The following PPFIBP1 variants were observed in gnomAD, a reference collection of about 807,000 sequenced individuals.
PPFIBP1 encodes PPFIB scaffold protein 1.
Under a neutral mutation model 137.8 loss-of-function variants are expected in PPFIBP1, and 112 were observed. The ratio of observed to expected loss-of-function variants is 0.81; its 90% CI spans 0.70 to 0.95. PPFIBP1 has a LOEUF of 0.95. Ranked by LOEUF, PPFIBP1 falls within the 40% of genes least tolerant of loss-of-function variation. The pLI, the probability that PPFIBP1 is intolerant of heterozygous loss-of-function variation, is 0.00. For synonymous variants in PPFIBP1, 378 were observed against 417.3 expected (o/e 0.91, Z 1.15); for missense variants, 1,083 against 1,196.6 (o/e 0.91, Z 1.40).
chr12:27,650,590 G>A (rs1250030015), intron 7 of PPFIBP1, among the ~76,000 whole-genome samples: 2 of 152,152 alleles, frequency 1.3e-5, no homozygotes. Context: ...CAAAATCACA[G>A]ACAGAGCTTT....
chr12:27,586,042 G>A (rs568245100), intron 2 of PPFIBP1, among the ~76,000 whole-genome samples: 1 of 152,326 alleles, frequency 6.6e-6, no homozygotes, highest in Non-Finnish European at 1.5e-5. Context: ...GAGGAATTGT[G>A]TGTCAGCAAC....
intron 1 of PPFIBP1, among the ~76,000 whole-genome samples, chr12:27,541,641 C>G (rs1311150858): frequency 6.6e-6 from 1 of 152,216 alleles, no homozygotes; most frequent in Non-Finnish European, 1.5e-5. Context: ...TTGCAGCTCA[C>G]CAGCTGCACT....
At chr12:27,689,326 G>T in intron 27 of PPFIBP1, 123 bp downstream of exon 27, 1 of 802,956 alleles carries the variant, frequency 1.2e-6, no homozygotes, top group Non-Finnish European at 1.9e-6. Flanking sequence ...ACCAGCAGAT[G>T]CAGGAATCCT....
In PPFIBP1 at chr12:27,679,580, A is replaced by G. The variant is rs910946911; in HGVS notation, c.1707A>G (p.Ile569Met). 2 of 1,613,936 alleles carry G rather than the reference A, an allele frequency of 1.2e-6. No individual in the cohort carries two copies. Among genetic ancestry groups the G allele is most frequent in the Admixed American group, 1.7e-5 (1 of 60,020 alleles). ...KDSQRNSPFQ[I>M]PPPSPDSKKK... ...CACAGAGGAACAGTCCCTTCCAGAT[A>G]CCGCCTCCATCTCCAGATTCCAAAA... Residue 569 changes from isoleucine (I) to methionine (M), a missense_variant, in exon 20 of 30, where the codon ATA becomes ATG. Ile to Met is a conservative substitution (Grantham distance 10). Transcript: ENST00000228425.
Position 27,676,515 on chromosome 12 carries a change from G to A in PPFIBP1, c.1498G>A (p.Gly500Ser), listed in dbSNP as rs756142214. 16 of 1,609,754 alleles carry A rather than the reference G, an allele frequency of 9.9e-6. No individual in the cohort carries two copies. Among genetic ancestry groups the A allele is most frequent in the African/African-American group, 1.3e-5 (1 of 74,808 alleles). Residue 500 changes from glycine (G) to serine (S), a missense_variant, in exon 18 of 30, where the codon GGC becomes AGC. Coordinates refer to ENST00000228425, the MANE Select transcript of PPFIBP1 (RefSeq NM_003622.4). ...CACCTCCATGGATGACAACCCCTTC[G>A]GCACTCGAAAAGTCAGATCTTCCTT... ...QDTSMDDNPF[G>S]TRKVRSSFGR... is the part of the protein sequence containing the mutation.
chr12:27,658,732 A>G (rs2059365676), intron 9 of PPFIBP1, 84 bp from the exon 10 acceptor site: 1 of 1,409,386 alleles, frequency 7.1e-7, no homozygotes, highest in Non-Finnish European at 9.9e-7. Flanking sequence ...TTAGGTAAAA[A>G]GAGACTAAAT....
intron 2 of PPFIBP1, among the ~76,000 whole-genome samples, chr12:27,603,914 G>A (rs935232547): frequency 3.3e-5 from 5 of 152,154 alleles, no homozygotes; most frequent in African/African-American, 1.2e-4. Context: ...ATGTTTGTGG[G>A]GAAGGAGGAG....
At chr12:27,639,908 CG>C (rs1301309801) in intron 4 of PPFIBP1, among the ~76,000 whole-genome samples, 1 of 152,176 alleles carries the variant, frequency 6.6e-6, no homozygotes, top group African/African-American at 2.4e-5. Flanking sequence ...AAGCAGTCCC[CG>C]TCCTACCACC....
Position 27,681,700 on chromosome 12 carries a change from ACT to A in PPFIBP1, c.2046+5_2046+6del, listed in dbSNP as rs1373043627. Reference sequence around the variant, plus strand: ...TTCTCAACAAGATCTAGAGAAGGTGACTGCTTCTCTGTTTTGTTCACACAATG... The same window carrying A: ...TTCTCAACAAGATCTAGAGAAGGTGAGCTTCTCTGTTTTGTTCACACAATG... On this transcript the variant is annotated splice_donor_5th_base_variant and intron_variant, in intron 22 of 29. Transcript: ENST00000228425. The A allele has an allele frequency of 6.2e-7, 1 of 1,613,704 alleles. No homozygotes were observed. The highest frequency in any genetic ancestry group is 1.3e-5 in the African/African-American group (1 of 74,934).
rs548711203 is a variant in PPFIBP1 at position 27,583,113 on chromosome 12, A to G, written c.-36+4874A>G. Among the ~76,000 whole-genome samples the G allele has an allele frequency of 2.6e-5, 4 of 152,238 alleles. No individual in the cohort carries two copies. The South Asian group carries it at 8.3e-4, about 32-fold the overall frequency. ...CTGGGCATTTTGTACTCTATTTTGG[A>G]TGTAACTTTTCTTGCTCTTGATTTC... On this transcript the variant is annotated intron_variant, in intron 2 of 29. Transcript: ENST00000228425.
intron 2 of PPFIBP1, among the ~76,000 whole-genome samples, chr12:27,615,401 G>A (rs1016867171): frequency 1.3e-5 from 2 of 152,206 alleles, no homozygotes; most frequent in Admixed American, 1.3e-4. Flanking sequence ...AGAGGGGTGG[G>A]TGGAATTCAA....
chr12:27,664,721 TA>T (rs2140031663), intron 12 of PPFIBP1, among the ~76,000 whole-genome samples: 1 of 152,010 alleles, frequency 6.6e-6, no homozygotes, highest in South Asian at 2.1e-4. Flanking sequence ...GCAGAGAGCC[TA>T]GGGGGAAAAG....
intron 2 of PPFIBP1, among the ~76,000 whole-genome samples, chr12:27,610,892 T>C (rs1330964673): frequency 1.3e-5 from 2 of 152,268 alleles, no homozygotes; most frequent in East Asian, 1.9e-4. Context: ...TTTTCTTTTT[T>C]TTTTTGTATC....
At chr12:27,587,967 A>C (rs971286681) in intron 2 of PPFIBP1, among the ~76,000 whole-genome samples, 1 of 151,854 alleles carries the variant, frequency 6.6e-6, no homozygotes, top group African/African-American at 2.4e-5. Flanking sequence ...TCTTTTATGA[A>C]CTCTCTTGTC....
chr12:27,662,122 G>T (rs1311453230), intron 11 of PPFIBP1, among the ~76,000 whole-genome samples: 1 of 152,180 alleles, frequency 6.6e-6, no homozygotes, highest in Non-Finnish European at 1.5e-5. Flanking sequence ...GGATTCAGAA[G>T]ACTTCAAAGA....
intron 2 of PPFIBP1, among the ~76,000 whole-genome samples, chr12:27,587,845 C>G (rs1285934482): frequency 6.6e-6 from 1 of 152,058 alleles, no homozygotes; most frequent in African/African-American, 2.4e-5. Context: ...AGAACCTAGT[C>G]CACATTCAAA....
In PPFIBP1 at chr12:27,692,981, TTTG is replaced by T; in HGVS notation, c.*105_*107del. 2 of 1,505,780 alleles carry T rather than the reference TTTG, an allele frequency of 1.3e-6. No individual in the cohort carries two copies. The highest frequency in any genetic ancestry group is 1.4e-5 in the African/African-American group (1 of 72,090). 93.3% of individuals were successfully genotyped at this position (1,505,780 alleles called of 1,614,324 possible). A position where few individuals can be genotyped will look rare whatever the true frequency, so the allele number is the denominator to read the frequency against. On this transcript the variant is annotated 3_prime_UTR_variant, in exon 30 of 30. Coordinates refer to ENST00000228425, the MANE Select transcript of PPFIBP1 (RefSeq NM_003622.4). The stretch of plus-strand genomic sequence containing the variant: ...ACAACAGGCAGCGGATTGTCTATTG[TTTG>T]TTGTTCCAACTTCTGCTGTCGAGAA...
intron 2 of PPFIBP1, among the ~76,000 whole-genome samples, chr12:27,613,621 C>G (rs1406834031): frequency 1.3e-5 from 2 of 150,598 alleles, no homozygotes; most frequent in Admixed American, 6.6e-5. Flanking sequence ...GAGAATCGCT[C>G]GAACCTGGGA....
At chr12:27,603,944 A>G (rs2054258364) in intron 2 of PPFIBP1, among the ~76,000 whole-genome samples, 1 of 152,210 alleles carries the variant, frequency 6.6e-6, no homozygotes, top group Non-Finnish European at 1.5e-5. Context: ...CTCCCTGGGT[A>G]CTGTTACTTA....
Sources: allele counts gnomAD v4.1 joint callset (sites outside exome capture counted in the v4.1 genomes callset), GRCh38; gene constraint gnomAD v4.1.1; transcripts MANE v1.5; gene names NCBI Gene and HGNC (gene_info 2026-07-23, HGNC 2026-07-21).